CACNA2D4: variants seen among roughly 807,000 people sequenced by gnomAD.
CACNA2D4 encodes the protein calcium voltage-gated channel auxiliary subunit alpha2delta 4.
A neutral mutation model predicts 163.8 loss-of-function variants in CACNA2D4; 157 were observed. That is an observed-to-expected ratio of 0.96 (90% CI 0.84 to 1.09). The LOEUF is 1.09. Ranked by LOEUF, CACNA2D4 falls within the 50% of genes least tolerant of loss-of-function variation. CACNA2D4 has a pLI of 0.00. For missense variants in CACNA2D4, 1,410 were observed against 1,479.9 expected (o/e 0.95, Z 0.78); for synonymous variants, 598 against 586.9 (o/e 1.02, Z -0.27).
chr12:1,884,297 C>T lies in CACNA2D4; in HGVS notation c.1297G>A (p.Gly433Arg), dbSNP rs1378893123. ...CKVRVFTYLI[G>R]REVSFADRMK... is the part of the protein sequence containing the mutation. ...CGGTCAGCAAAAGACACTTCTCTCC[C>T]AATGAGGTAAGTGAAAACTCGGACC... is the stretch of plus-strand genomic sequence containing the variant. The change falls in exon 12 of 38, where the codon GGG (glycine) becomes AGG (arginine). Residue 433 changes from glycine (G) to arginine (R), a missense_variant. Coordinates refer to ENST00000382722, the MANE Select transcript of CACNA2D4 (RefSeq NM_172364.5). 1 of 1,612,624 alleles carries T rather than the reference C, an allele frequency of 6.2e-7. No individual in the cohort carries two copies. The highest frequency in any genetic ancestry group is 1.7e-5 in the Admixed American group (1 of 59,874).
chr12:1,819,030 A>T (rs2154446240), intron 26 of CACNA2D4, among the ~76,000 whole-genome samples: 1 of 151,638 alleles, frequency 6.6e-6, no homozygotes, highest in South Asian at 2.1e-4. Flanking sequence ...AAAGGAGATG[A>T]AGCAGACCAC....
chr12:1,912,478 C>T (rs1169452225), intron 3 of CACNA2D4, among the ~76,000 whole-genome samples: 1 of 152,228 alleles, frequency 6.6e-6, no homozygotes, highest in Admixed American at 6.5e-5. Flanking sequence ...CCTGTAAGCA[C>T]CTCTGCTGCC....
chr12:1,836,943 C>G (rs1339137570), intron 26 of CACNA2D4, among the ~76,000 whole-genome samples: 1 of 152,190 alleles, frequency 6.6e-6, no homozygotes, highest in Non-Finnish European at 1.5e-5. Context: ...AGGCCGAGTC[C>G]TGGATCAGAG....
At position 1,824,197 on chromosome 12, in the gene CACNA2D4, G is replaced by A. The variant is rs571272769; in HGVS notation, c.2552-12474C>T. On this transcript the variant is annotated intron_variant, in intron 26 of 37. Coordinates refer to ENST00000382722, the MANE Select transcript of CACNA2D4 (RefSeq NM_172364.5). Reference sequence around the variant, plus strand: ...GGCCAGCATGGTCTCCTCGGTGGCCGTTTGCCCTGCTGAGAGGTGCCCGGC... The same window carrying A: ...GGCCAGCATGGTCTCCTCGGTGGCCATTTGCCCTGCTGAGAGGTGCCCGGC... Among the ~76,000 whole-genome samples the A allele has an allele frequency of 7.2e-5, 11 of 152,284 alleles. No individual in the cohort carries two copies. In the East Asian group the frequency reaches 9.7e-4, roughly 13 times the overall value.
chr12:1,903,492 A>G (rs1866584424), intron 6 of CACNA2D4, among the ~76,000 whole-genome samples: 1 of 152,118 alleles, frequency 6.6e-6, no homozygotes, highest in Admixed American at 6.5e-5. Context: ...TAACAACCAG[A>G]ATACATAAGA....
At chr12:1,870,253 C>T (rs1273768544) in intron 18 of CACNA2D4, among the ~76,000 whole-genome samples, 6 of 152,166 alleles carry the variant, frequency 3.9e-5, no homozygotes, top group African/African-American at 9.7e-5. Flanking sequence ...ATCCTGCTTT[C>T]GGCTTTCCGT....
At chr12:1,863,516 T>G (rs1405116866) in intron 18 of CACNA2D4, among the ~76,000 whole-genome samples, 1 of 152,258 alleles carries the variant, frequency 6.6e-6, no homozygotes, top group Non-Finnish European at 1.5e-5. Flanking sequence ...TTGGGGAGAA[T>G]GAATGTGTTA....
chr12:1,800,723 C>G (rs1324682660), intron 31 of CACNA2D4: 1 of 593,694 alleles, frequency 1.7e-6, no homozygotes, highest in African/African-American at 1.9e-5. Context: ...CCTGGTGCTG[C>G]ACTGCTGAGG....
At chr12:1,908,194 C>G (rs1266324257) in intron 4 of CACNA2D4, among the ~76,000 whole-genome samples, 157 bp from the exon 5 acceptor site, 1 of 152,214 alleles carries the variant, frequency 6.6e-6, no homozygotes, top group African/African-American at 2.4e-5. Flanking sequence ...GGGCACTGAT[C>G]AGGGCGATTC....
chr12:1,913,511 G>A (rs1381686458), intron 2 of CACNA2D4, among the ~76,000 whole-genome samples: 1 of 152,220 alleles, frequency 6.6e-6, no homozygotes, highest in African/African-American at 2.4e-5. Context: ...GCAGAGCCAC[G>A]CTGCATCCCA....
chr12:1,877,719 G>T (rs576113763), intron 16 of CACNA2D4, among the ~76,000 whole-genome samples: 1 of 152,194 alleles, frequency 6.6e-6, no homozygotes, highest in Non-Finnish European at 1.5e-5. Flanking sequence ...AGCTCCCGCC[G>T]TCCCAACAGC....
chr12:1,881,073 G>A (rs945439214), intron 13 of CACNA2D4, among the ~76,000 whole-genome samples: 2 of 152,202 alleles, frequency 1.3e-5, no homozygotes, highest in Admixed American at 1.3e-4. Context: ...TTCCGAAGTG[G>A]GTCCGGGAGA....
intron 37 of CACNA2D4, 52 bp from the exon 38 acceptor site, chr12:1,793,811 A>G: frequency 1.4e-6 from 2 of 1,473,932 alleles, no homozygotes; most frequent in Non-Finnish European, 9.4e-7. Flanking sequence ...AGGACCCTCA[A>G]AAAGGGAGGG....
rs2154449662 is a variant in CACNA2D4 at position 1,883,443 on chromosome 12, C to CT, written c.1352-444dup. Reference sequence around the variant, plus strand: ...CTCTCCGCTCCTCCTTCCTCTGGTCCTTGTTCTTGCTCAGGTTGTGGGGTG... The same window carrying CT: ...CTCTCCGCTCCTCCTTCCTCTGGTCCTTTGTTCTTGCTCAGGTTGTGGGGTG... On this transcript the variant is annotated intron_variant, in intron 12 of 37. Transcript: ENST00000382722. The surrounding 1 kb of genome is among the most constrained non-coding windows in gnomAD (Gnocchi z 4.5). Among the ~76,000 whole-genome samples the CT allele has an allele frequency of 6.6e-6, 1 of 152,326 alleles. No individual in the cohort carries two copies. The highest frequency in any genetic ancestry group is 6.5e-5 in the Admixed American group (1 of 15,304).
rs535415655 is a variant in CACNA2D4, at chr12:1,833,991, G to A, written c.2551+6748C>T. On this transcript the variant is annotated intron_variant, in intron 26 of 37. Transcript: ENST00000382722. The surrounding 1 kb of genome is among the most constrained non-coding windows in gnomAD (Gnocchi z 4.2). ...GGACAGGCCGGATGGAAGTGGCTGC[G>A]TGCTTCTCTATAAAATGGGAATAAA... Among the ~76,000 whole-genome samples the A allele has an allele frequency of 1.1e-4, 17 of 152,272 alleles. No homozygotes were observed. Among genetic ancestry groups the A allele is most frequent in the African/African-American group, 3.4e-4 (14 of 41,544 alleles).
chr12:1,910,898 G>A (rs978512915), intron 3 of CACNA2D4, among the ~76,000 whole-genome samples: 6 of 152,056 alleles, frequency 3.9e-5, no homozygotes, highest in African/African-American at 1.2e-4. Flanking sequence ...TGTTTGGGGC[G>A]ATGAAAAAGT....
chr12:1,828,091 C>CACCCAGGGGCTCCTCTCTCCCCAGAGCG lies in CACNA2D4; in HGVS notation c.2551+12620_2551+12647dup. 1 of 1,445,946 alleles carries CACCCAGGGGCTCCTCTCTCCCCAGAGCG rather than the reference C, an allele frequency of 6.9e-7. No individual in the cohort carries two copies. The highest frequency in any genetic ancestry group is 2.6e-5 in the East Asian group (1 of 38,864). The allele number at this position is 1,445,946 out of a possible 1,614,324, so 89.6% of individuals were successfully genotyped here. A position where few individuals can be genotyped will look rare whatever the true frequency, so the allele number is the denominator to read the frequency against. On this transcript the variant is annotated intron_variant, in intron 26 of 37. Coordinates refer to ENST00000382722, the MANE Select transcript of CACNA2D4 (RefSeq NM_172364.5). The surrounding 1 kb of genome is among the most constrained non-coding windows in gnomAD (Gnocchi z 4.2). ...CCTCCCTCAGGACTGACAGGCGGCG[C>CACCCAGGGGCTCCTCTCTCCCCAGAGCG]ACCCAGGGGCTCCTCTCTCCCCAGA... is the stretch of plus-strand genomic sequence containing the variant.
In CACNA2D4 at chr12:1,896,639, ACAC is replaced by A. The variant is rs1565734694; in HGVS notation, c.782-9573_782-9571del. Among the ~76,000 whole-genome samples, 17 of 130,434 alleles carry A rather than the reference ACAC, an allele frequency of 1.3e-4. 2 individuals are homozygous for A. The South Asian group carries it at 3.2e-3, about 25-fold the overall frequency. The allele number at this position is 130,434 out of a possible 152,430, so 85.6% of individuals were successfully genotyped here. On this transcript the variant is annotated intron_variant, in intron 6 of 37. Transcript: ENST00000382722. ...CACACACACACACACACACACACAC[ACAC>A]ACACACACACACAAAACAGATGCTA...
intron 26 of CACNA2D4, among the ~76,000 whole-genome samples, chr12:1,824,222 C>T (rs1864225382): frequency 6.6e-6 from 1 of 152,180 alleles, no homozygotes; most frequent in Non-Finnish European, 1.5e-5. Flanking sequence ...AGGTGCCCGG[C>T]CTAGTCGTAT....
Sources: gnomAD v4.1 joint callset for allele counts (sites outside exome capture counted in the v4.1 genomes callset) on GRCh38, gnomAD v4.1.1 for gene constraint, Gnocchi (gnomAD v3.1) non-coding constraint, MANE v1.5 for transcripts, NCBI Gene and HGNC (gene_info 2026-07-23, HGNC 2026-07-21) for gene names.